FAT3: variants seen among roughly 807,000 people sequenced by gnomAD.
The protein encoded by FAT3 is protocadherin Fat 3.
Under a neutral mutation model 310.2 loss-of-function variants are expected in FAT3, and 95 were observed. The observed-to-expected ratio is 0.31, with a 90% CI of 0.26 to 0.36. The LOEUF (loss-of-function observed/expected upper bound fraction) is 0.36, where lower values mean the gene tolerates loss of function less well. FAT3 is among the 10% of genes least tolerant of loss of function. FAT3 has a pLI of 1.00. For missense variants in FAT3, 5,408 were observed against 5,715.6 expected, an observed-to-expected ratio of 0.95 and a Z score of 1.74; for synonymous variants, 2,314 against 2,192.9, an observed-to-expected ratio of 1.06 and a Z score of -1.54.
intron 3 of FAT3, among the ~76,000 whole-genome samples, chr11:92,628,617 T>C (rs915551265): frequency 1.3e-5 from 2 of 152,254 alleles, no homozygotes; most frequent in African/African-American, 4.8e-5. Flanking sequence ...GGAACTATTG[T>C]GTACCTATGT....
At chr11:92,287,251 G>A (rs1054730106) in intron 1 of FAT3, among the ~76,000 whole-genome samples, 4 of 152,022 alleles carry the variant, frequency 2.6e-5, no homozygotes, top group African/African-American at 7.2e-5. Flanking sequence ...TCCATCCTAC[G>A]AGCTAGTAAA....
At chr11:92,452,555 G>T (rs537722328) in intron 2 of FAT3, among the ~76,000 whole-genome samples, 2 of 152,050 alleles carry the variant, frequency 1.3e-5, no homozygotes, top group Non-Finnish European at 2.9e-5. Flanking sequence ...TTTCTGAAGC[G>T]CATAGAAAGG....
At chr11:92,411,047 TAATATATATATA>T (rs1565294561) in intron 2 of FAT3, among the ~76,000 whole-genome samples, 1 of 144,674 alleles carries the variant, frequency 6.9e-6, no homozygotes, top group African/African-American at 2.5e-5. Flanking sequence ...AAAATGTATA[TAATATATATATA>T]AATATATATA....
chr11:92,469,527 T>A (rs1234766865), intron 2 of FAT3, among the ~76,000 whole-genome samples: 1 of 152,108 alleles, frequency 6.6e-6, no homozygotes, highest in African/African-American at 2.4e-5. Flanking sequence ...GTGATTTTTT[T>A]TTTTTGAGAT....
chr11:92,362,537 A>G (rs1948908213), intron 2 of FAT3, among the ~76,000 whole-genome samples: 1 of 152,194 alleles, frequency 6.6e-6, no homozygotes, highest in Non-Finnish European at 1.5e-5. Flanking sequence ...GACTCTTTCT[A>G]CACTGGTTAC....
At chr11:92,779,916 G>A (rs571135678) in intron 7 of FAT3, among the ~76,000 whole-genome samples, 74 of 152,140 alleles carry the variant, frequency 4.9e-4, no homozygotes, top group African/African-American at 1.4e-3. Flanking sequence ...AGGAATTAAC[G>A]CAGCCTTAAG....
At chr11:92,726,751 T>C (rs1945013427) in intron 4 of FAT3, among the ~76,000 whole-genome samples, 1 of 151,544 alleles carries the variant, frequency 6.6e-6, no homozygotes, top group South Asian at 2.1e-4. Flanking sequence ...CTATGTCAGC[T>C]AATTTGTTAT....
At chr11:92,453,795 G>A (rs1951425667) in intron 2 of FAT3, among the ~76,000 whole-genome samples, 1 of 152,012 alleles carries the variant, frequency 6.6e-6, no homozygotes, top group Non-Finnish European at 1.5e-5. Context: ...TCAAATAAAT[G>A]TTCATATAAG....
intron 2 of FAT3, among the ~76,000 whole-genome samples, chr11:92,448,021 G>C (rs1405781247): frequency 6.6e-6 from 1 of 152,070 alleles, no homozygotes; most frequent in Non-Finnish European, 1.5e-5. Context: ...AGTCACTCTG[G>C]GACCACATGG....
At chr11:92,877,758 C>A (rs1307960515) in intron 22 of FAT3, among the ~76,000 whole-genome samples, 2 of 152,138 alleles carry the variant, frequency 1.3e-5, no homozygotes, top group African/African-American at 4.8e-5. Flanking sequence ...GAAATCATCT[C>A]ATTTGGAAGA....
At chr11:92,423,455 C>A (rs1477792290) in intron 2 of FAT3, among the ~76,000 whole-genome samples, 1 of 152,126 alleles carries the variant, frequency 6.6e-6, no homozygotes, top group Non-Finnish European at 1.5e-5. Context: ...ATAAATCTAT[C>A]TTTAGCTCTG....
chr11:92,580,669 A>G (rs1001777005), intron 3 of FAT3, among the ~76,000 whole-genome samples: 5 of 152,050 alleles, frequency 3.3e-5, no homozygotes, highest in South Asian at 4.1e-4. Context: ...CTAAATATCT[A>G]TTAAGTTGGC....
chr11:92,780,658 C>A (rs529991834), intron 7 of FAT3, among the ~76,000 whole-genome samples: 2 of 152,226 alleles, frequency 1.3e-5, no homozygotes, highest in South Asian at 2.1e-4. Context: ...ATTTTGATAT[C>A]TGTTCTAATG....
At chr11:92,706,383 A>G (rs1944353830) in intron 4 of FAT3, among the ~76,000 whole-genome samples, 1 of 152,112 alleles carries the variant, frequency 6.6e-6, no homozygotes, top group Admixed American at 6.5e-5. Flanking sequence ...GTAGGTCAGT[A>G]ATTCAGAGAA....
At chr11:92,837,148 A>G (rs1948428606) in intron 16 of FAT3, among the ~76,000 whole-genome samples, 1 of 152,202 alleles carries the variant, frequency 6.6e-6, no homozygotes, top group South Asian at 2.1e-4. Context: ...GTCTTTCTTG[A>G]CCAAAAAATA....
chr11:92,431,988 T>G (rs1005192910), intron 2 of FAT3, among the ~76,000 whole-genome samples: 1 of 152,216 alleles, frequency 6.6e-6, no homozygotes, highest in Non-Finnish European at 1.5e-5. Context: ...GCGGGCTCTT[T>G]TTTGGTTCCA....
chr11:92,262,997 T>A (rs1025421142), intron 1 of FAT3, among the ~76,000 whole-genome samples: 11 of 152,242 alleles, frequency 7.2e-5, no homozygotes, highest in Admixed American at 3.9e-4. Context: ...TCTCTTTTTT[T>A]TTTTATTCCT....
intron 3 of FAT3, among the ~76,000 whole-genome samples, chr11:92,643,529 A>G: frequency 6.6e-6 from 1 of 152,202 alleles, no homozygotes; most frequent in Non-Finnish European, 1.5e-5. Flanking sequence ...CCATCTGTGA[A>G]ATTGGGATAA....
intron 2 of FAT3, among the ~76,000 whole-genome samples, chr11:92,441,799 T>C (rs920724440): frequency 6.6e-6 from 1 of 152,042 alleles, no homozygotes; most frequent in Non-Finnish European, 1.5e-5. Context: ...CCTGAATTAA[T>C]TCTAGATTCA....
Sources: allele counts gnomAD v4.1 joint callset (sites outside exome capture counted in the v4.1 genomes callset), GRCh38; gene constraint gnomAD v4.1.1; transcripts MANE v1.5; gene names NCBI Gene and HGNC (gene_info 2026-07-23, HGNC 2026-07-21).